The following SDK1 variants were observed in gnomAD, a reference collection of about 807,000 sequenced individuals.
SDK1 encodes the protein protein sidekick-1.
In SDK1, 157 loss-of-function variants were observed where a neutral mutation model predicts 245.5. That is an observed-to-expected ratio of 0.64 (90% CI 0.56 to 0.73). The LOEUF (loss-of-function observed/expected upper bound fraction) is 0.73, where lower values mean the gene tolerates loss of function less well. Ranked by LOEUF, SDK1 falls within the 30% of genes least tolerant of loss-of-function variation. The pLI is 0.00. For missense variants in SDK1, 3,583 were observed against 3,002.3 expected (o/e 1.19, Z -4.52); for synonymous variants, 1,647 against 1,278.5 (o/e 1.29, Z -6.15).
intron 28 of SDK1, among the ~76,000 whole-genome samples, chr7:4,142,904 A>C (rs10266528): frequency 0.59 from 89,979 of 152,156 alleles, 26,920 homozygotes; most frequent in East Asian, 0.86. Flanking sequence ...AACATCGATT[A>C]TGTGGCCAGA....
chr7:3,545,085 G>A (rs1025027801), intron 1 of SDK1, among the ~76,000 whole-genome samples: 5 of 152,138 alleles, frequency 3.3e-5, no homozygotes, highest in Admixed American at 2.6e-4. Context: ...GTGCTATGTG[G>A]TGGGCGGCAG....
chr7:3,388,640 A>G (rs907312246), intron 1 of SDK1, among the ~76,000 whole-genome samples: 2 of 152,232 alleles, frequency 1.3e-5, no homozygotes, highest in African/African-American at 2.4e-5. Flanking sequence ...TTTGAAACGT[A>G]TAAGCTGTTT....
At chr7:3,596,110 A>G (rs1312710235) in intron 1 of SDK1, among the ~76,000 whole-genome samples, 1 of 152,138 alleles carries the variant, frequency 6.6e-6, no homozygotes, top group Non-Finnish European at 1.5e-5. Context: ...AAAATTCCAA[A>G]TCTGAAATGC....
At chr7:3,496,142 G>A (rs981894075) in intron 1 of SDK1, among the ~76,000 whole-genome samples, 9 of 152,192 alleles carry the variant, frequency 5.9e-5, no homozygotes, top group East Asian at 1.9e-4. Flanking sequence ...CTGAGCAGCT[G>A]TATGCCTTTA....
chr7:3,444,460 A>G (rs946325409), intron 1 of SDK1, among the ~76,000 whole-genome samples: 1 of 152,176 alleles, frequency 6.6e-6, no homozygotes, highest in African/African-American at 2.4e-5. Context: ...GGGTGATTTC[A>G]TGATACAATT....
chr7:3,582,145 G>A (rs1294692913), intron 1 of SDK1, among the ~76,000 whole-genome samples: 5 of 150,590 alleles, frequency 3.3e-5, no homozygotes, highest in African/African-American at 1.2e-4. Flanking sequence ...TCTCCCTCAG[G>A]TAGGCCTGTC....
intron 1 of SDK1, among the ~76,000 whole-genome samples, chr7:3,360,730 G>T (rs1780928531): frequency 6.6e-6 from 1 of 152,170 alleles, no homozygotes; most frequent in Non-Finnish European, 1.5e-5. Context: ...AGCACTGGGT[G>T]AGAAGCTGTT....
chr7:3,583,713 G>A (rs374606113), intron 1 of SDK1, among the ~76,000 whole-genome samples: 2 of 152,108 alleles, frequency 1.3e-5, no homozygotes, highest in African/African-American at 4.8e-5. Context: ...CCCCCTGAGA[G>A]GCATGGCATG....
chr7:3,618,180 A>G (rs915051503), intron 1 of SDK1, among the ~76,000 whole-genome samples: 1 of 151,904 alleles, frequency 6.6e-6, no homozygotes, highest in South Asian at 2.1e-4. Flanking sequence ...CAGATCTACA[A>G]AACATTGACA....
intron 1 of SDK1, among the ~76,000 whole-genome samples, chr7:3,445,008 G>C (rs1780303674): frequency 6.6e-6 from 1 of 152,170 alleles, no homozygotes; most frequent in African/African-American, 2.4e-5. Context: ...TACCAGCAGA[G>C]TCAGTAGGCA....
intron 16 of SDK1, 27 bp downstream of exon 16, chr7:4,012,262 T>G (rs758988247): frequency 1.4e-6 from 2 of 1,458,356 alleles, no homozygotes; most frequent in Admixed American, 2.6e-5. Context: ...TGGCCATCTT[T>G]AGGCCGCCAT....
intron 4 of SDK1, among the ~76,000 whole-genome samples, chr7:3,756,324 C>T (rs181910136): frequency 6.6e-6 from 1 of 151,406 alleles, no homozygotes; most frequent in Non-Finnish European, 1.5e-5. Context: ...CATGGCATAG[C>T]ACGTGTGACA....
At chr7:3,946,350 A>C (rs1245858191) in intron 5 of SDK1, among the ~76,000 whole-genome samples, 2 of 151,968 alleles carry the variant, frequency 1.3e-5, no homozygotes, top group Non-Finnish European at 2.9e-5. Context: ...GCTAATAAAA[A>C]AATTATTTTT....
intron 1 of SDK1, among the ~76,000 whole-genome samples, chr7:3,604,357 C>A: frequency 6.6e-6 from 1 of 152,028 alleles, no homozygotes; most frequent in East Asian, 1.9e-4. Context: ...CTGCTCTTAC[C>A]TTTATTATTT....
intron 1 of SDK1, among the ~76,000 whole-genome samples, chr7:3,395,044 G>C (rs1329667389): frequency 6.6e-6 from 1 of 152,020 alleles, no homozygotes; most frequent in African/African-American, 2.4e-5. Context: ...GAATAGAGGA[G>C]ATGAGAGTGG....
intron 29 of SDK1, among the ~76,000 whole-genome samples, 198 bp from the exon 30 acceptor site, chr7:4,149,064 A>G (rs1254562263): frequency 2.6e-5 from 4 of 151,256 alleles, no homozygotes; most frequent in African/African-American, 9.8e-5. Context: ...CAAAAACAAA[A>G]CAAAACAAAA....
intron 5 of SDK1, among the ~76,000 whole-genome samples, chr7:3,946,696 G>C (rs1303984142): frequency 1.3e-5 from 2 of 152,122 alleles, no homozygotes; most frequent in African/African-American, 2.4e-5. Flanking sequence ...AGCTAAGTGA[G>C]GACATATGCC....
At chr7:3,768,697 G>A (rs1335703612) in intron 4 of SDK1, among the ~76,000 whole-genome samples, 1 of 152,180 alleles carries the variant, frequency 6.6e-6, no homozygotes, top group African/African-American at 2.4e-5. Flanking sequence ...GTTTGGCACA[G>A]AGCTGTAGGT....
At chr7:3,854,516 T>C (rs1175190372) in intron 5 of SDK1, among the ~76,000 whole-genome samples, 1 of 152,178 alleles carries the variant, frequency 6.6e-6, no homozygotes, top group East Asian at 1.9e-4. Flanking sequence ...CTGATTAGTA[T>C]AGGGTCACAG....
Sources: gnomAD v4.1 joint callset for allele counts (sites outside exome capture counted in the v4.1 genomes callset) on GRCh38, gnomAD v4.1.1 for gene constraint, MANE v1.5 for transcripts, NCBI Gene and HGNC (gene_info 2026-07-23, HGNC 2026-07-21) for gene names.